The following RORC variants were observed in gnomAD, a reference collection of about 807,000 sequenced individuals.
RORC encodes nuclear receptor ROR-gamma.
RORC carries 13 observed loss-of-function variants against 64.5 expected under a neutral mutation model. That is an observed-to-expected ratio of 0.20 (90% CI 0.13 to 0.32). The LOEUF (loss-of-function observed/expected upper bound fraction) is 0.32. Ranked by LOEUF, RORC falls within the 10% of genes least tolerant of loss-of-function variation. RORC has a pLI of 1.00. For missense variants in RORC, 468 were observed against 669.5 expected, an observed-to-expected ratio of 0.70 and a Z score of 3.32; for synonymous variants, 277 against 259.3, an observed-to-expected ratio of 1.07 and a Z score of -0.65.
chr1:151,825,988 G>A (rs200383573), intron 2 of RORC: 7 of 1,610,146 alleles, frequency 4.3e-6, no homozygotes, highest in Middle Eastern at 1.6e-4. Context: ...TCAGCAGGGG[G>A]TGGTCCAGGA....
chr1:151,829,097 T>C (rs1169553784), intron 2 of RORC, among the ~76,000 whole-genome samples: 1 of 150,072 alleles, frequency 6.7e-6, no homozygotes, highest in Non-Finnish European at 1.5e-5. Flanking sequence ...TCTCCTTCCT[T>C]CCCCGGCCTG....
In RORC at chr1:151,830,109, G is replaced by A. The variant is rs1652347177; in HGVS notation, c.41-651C>T. 6.6e-6 allele frequency among the ~76,000 whole-genome samples: 1 copy of A among 152,198 alleles called. No individual in the cohort carries two copies. Among genetic ancestry groups the A allele is most frequent in the African/African-American group, 2.4e-5 (1 of 41,446 alleles). On this transcript the variant is annotated intron_variant, in intron 1 of 10. Coordinates refer to ENST00000318247, the MANE Select transcript of RORC (RefSeq NM_005060.4). This position sits in a 1 kb window ranked among gnomAD's most constrained non-coding sequence, Gnocchi z 4.0. ...GGCTTCAGAGATGTGGGGGTTGGGA[G>A]TAGGGGGAGAGGATGTTTGGAGGAA... is the stretch of plus-strand genomic sequence containing the variant.
At chr1:151,823,151 C>T (rs1418618620) in intron 2 of RORC, among the ~76,000 whole-genome samples, 1 of 152,100 alleles carries the variant, frequency 6.6e-6, no homozygotes, top group South Asian at 2.1e-4. Flanking sequence ...AAGCCCTTCA[C>T]GGAGTCCTAA....
At chr1:151,813,712 G>T in intron 6 of RORC, 92 bp from the exon 7 acceptor site, 2 of 1,440,208 alleles carry the variant, frequency 1.4e-6, no homozygotes, top group Non-Finnish European at 1.9e-6. Context: ...ACTGCAAGGG[G>T]TAGGCTCTGA....
Position 151,820,245 on chromosome 1 carries a change from G to T in RORC, c.71-2965C>A, listed in dbSNP as rs144531611. On this transcript the variant is annotated intron_variant, in intron 2 of 10. Transcript: ENST00000318247. ...TGTGTGTTACTTGTAGAGAAGGGGTGGGGGAGAACGGGAAGGGGGCTGGTA... is the reference window on the plus strand; with the variant it reads ...TGTGTGTTACTTGTAGAGAAGGGGTTGGGGAGAACGGGAAGGGGGCTGGTA... Among the ~76,000 whole-genome samples the T allele has an allele frequency of 1.1e-3, 169 of 152,228 alleles. 2 individuals carry two copies. In the East Asian group the frequency reaches 0.021, roughly 19 times the overall value.
chr1:151,824,761 G>A (rs1652125079), intron 2 of RORC, among the ~76,000 whole-genome samples: 1 of 152,236 alleles, frequency 6.6e-6, no homozygotes, highest in Non-Finnish European at 1.5e-5. Context: ...AGTTGGTTTT[G>A]TTGTTCTATC....
chr1:151,826,229 G>T, intron 2 of RORC: 1 of 489,340 alleles, frequency 2.0e-6, no homozygotes. Flanking sequence ...TGAGGGGAGG[G>T]GCAGCCAATC....
At chr1:151,822,624 G>C (rs545197850) in intron 2 of RORC, among the ~76,000 whole-genome samples, 1 of 152,326 alleles carries the variant, frequency 6.6e-6, no homozygotes, top group South Asian at 2.1e-4. Flanking sequence ...AAGCTCTGGC[G>C]AGTGGGAGCC....
Position 151,807,445 on chromosome 1 carries a change from G to A in RORC, c.*27C>T. ...AGGGAGGTGGGCCAGCAGGCCATAG[G>A]GAGAGGCAAGGAGTCCCTCTTCCAG... On this transcript the variant is annotated 3_prime_UTR_variant, in exon 11 of 11. Transcript: ENST00000318247. The surrounding 1 kb of genome is among the most constrained non-coding windows in gnomAD (Gnocchi z 5.0). 6.2e-7 allele frequency: 1 copy of A among 1,611,800 alleles called. No homozygotes were observed. Among genetic ancestry groups the A allele is most frequent in the Non-Finnish European group, 8.5e-7 (1 of 1,178,440 alleles).
rs565852440 is a variant in RORC at position 151,815,276 on chromosome 1, T to G, written c.448A>C (p.Thr150Pro). 1.9e-6 allele frequency: 3 copies of G among 1,610,432 alleles called. No homozygotes were observed. The highest frequency in any genetic ancestry group is 2.2e-5 in the South Asian group (2 of 90,828). The stretch of plus-strand genomic sequence containing the variant: ...AGCTGCCCGTCTGGGAGCCCCAAGG[T>G]GTAGGTGAGGGTATCTGCTCCTTGG... The part of the protein sequence containing the change: ...GAQGADTLTY[T>P]LGLPDGQLPL... The change falls in exon 5 of 11, where the codon ACC (threonine) becomes CCC (proline). Residue 150 changes from threonine (T) to proline (P), a missense_variant. Transcript: ENST00000318247.
At chr1:151,819,581 C>T (rs930110270) in intron 2 of RORC, among the ~76,000 whole-genome samples, 22 of 152,196 alleles carry the variant, frequency 1.4e-4, no homozygotes, top group African/African-American at 2.4e-4. Flanking sequence ...TAGGCCAAGC[C>T]GCAGTGGGAA....
intron 3 of RORC, 84 bp downstream of exon 3, chr1:151,817,111 A>ACTGTGTGTGTGT (rs1651789211): frequency 6.6e-6 from 1 of 151,272 alleles, no homozygotes; most frequent in African/African-American, 5.1e-5. Context: ...CTAAGGAGAC[A>ACTGTGTGTGTGT]CTGTGTGTGT....
chr1:151,831,079 A>T, intron 1 of RORC: 2 of 1,289,080 alleles, frequency 1.6e-6, no homozygotes, highest in Non-Finnish European at 2.0e-6. Flanking sequence ...GGTGGGGCCA[A>T]GGACGGCCTG....
Position 151,807,388 on chromosome 1 carries a change from GA to G in RORC, c.*83del. The G allele has an allele frequency of 7.0e-7, 1 of 1,420,596 alleles. No homozygotes were observed. Among genetic ancestry groups the G allele is most frequent in the Non-Finnish European group, 9.7e-7 (1 of 1,032,732 alleles). The allele number at this position is 1,420,596 out of a possible 1,614,324, so 88.0% of individuals were successfully genotyped here. A position where few individuals can be genotyped will look rare whatever the true frequency, so the allele number is the denominator to read the frequency against. ...GGGGACCACCCTCCAGGGTTCATGG[GA>G]AAGGAAAAGGGTGAGGGTGGAACGG... On this transcript the variant is annotated 3_prime_UTR_variant, in exon 11 of 11. Transcript: ENST00000318247. This position sits in a 1 kb window ranked among gnomAD's most constrained non-coding sequence, Gnocchi z 5.0.
At chr1:151,824,782 G>A (rs1336544242) in intron 2 of RORC, among the ~76,000 whole-genome samples, 1 of 152,194 alleles carries the variant, frequency 6.6e-6, no homozygotes, top group Admixed American at 6.5e-5. Context: ...TTAAAATTCA[G>A]CTCCCTTGTT....
In RORC at chr1:151,816,824, G is replaced by A; in HGVS notation, c.157-19C>T. On this transcript the variant is annotated intron_variant, in intron 3 of 10. Transcript: ENST00000318247. The stretch of plus-strand genomic sequence containing the variant: ...AGAAGCCCTGGGGAAAGCAGGTGGA[G>A]GGCAAGACTGCTTATCCTGGTCAGG... The A allele has an allele frequency of 1.3e-6, 2 of 1,512,774 alleles. No homozygotes were observed. The highest frequency in any genetic ancestry group is 1.8e-6 in the Non-Finnish European group (2 of 1,126,136). 93.7% of individuals were successfully genotyped at this position (1,512,774 alleles called of 1,614,324 possible). A position where few individuals can be genotyped will look rare whatever the true frequency, so the allele number is the denominator to read the frequency against.
chr1:151,816,439 G>A (rs1438543416), intron 4 of RORC, among the ~76,000 whole-genome samples: 1 of 152,242 alleles, frequency 6.6e-6, no homozygotes, highest in Non-Finnish European at 1.5e-5. Context: ...TTGGAAAGAG[G>A]ATGTTTGTTC....
chr1:151,813,146 G>A (rs1651605301), intron 8 of RORC, 89 bp from the exon 9 acceptor site: 1 of 1,449,452 alleles, frequency 6.9e-7, no homozygotes. Flanking sequence ...AGCAGAGGGG[G>A]CAATTCGCCC....
At chr1:151,820,206 T>C (rs1393148166) in intron 2 of RORC, among the ~76,000 whole-genome samples, 2 of 151,304 alleles carry the variant, frequency 1.3e-5, no homozygotes, top group African/African-American at 4.9e-5. Flanking sequence ...GTACCAGTGC[T>C]GTGTACATGA....
Sources: allele counts gnomAD v4.1 joint callset (sites outside exome capture counted in the v4.1 genomes callset), GRCh38; gene constraint gnomAD v4.1.1; non-coding constraint Gnocchi (gnomAD v3.1); transcripts MANE v1.5; gene names NCBI Gene and HGNC (gene_info 2026-07-23, HGNC 2026-07-21).